Variants in SLC7A11 observed in about 807,000 individuals in gnomAD.
The protein encoded by SLC7A11 is solute carrier family 7 member 11, also known as cystine/glutamate transporter.
Under a neutral mutation model 54.5 loss-of-function variants are expected in SLC7A11, and 35 were observed. The ratio of observed to expected loss-of-function variants is 0.64; its 90% CI spans 0.49 to 0.85. The LOEUF is 0.85. Among genes scored for constraint, SLC7A11 ranks in the 40% least tolerant of loss-of-function variants. The probability of loss-of-function intolerance (pLI) is 0.00; values close to 1 mark genes in which losing one functional copy is unlikely to be tolerated. For missense variants in SLC7A11, 583 were observed against 618.1 expected (o/e 0.94, Z 0.60); for synonymous variants, 230 against 225.2 (o/e 1.02, Z -0.19).
rs187310384 is a variant in SLC7A11 at position 138,166,977 on chromosome 4, C to A, written c.*4979G>T. The A allele has an allele frequency of 1.4e-3, 206 of 151,972 alleles. No individual in the cohort carries two copies. The highest frequency in any genetic ancestry group is 4.9e-3 in the African/African-American group (201 of 41,442). 9.4% of individuals were successfully genotyped at this position (151,972 alleles called of 1,614,324 possible). ...ATGCTTTTGTGAATGTATACCTGATCTAAAATTAGACAAAACATTTATTTT... is the reference window on the plus strand; with the variant it reads ...ATGCTTTTGTGAATGTATACCTGATATAAAATTAGACAAAACATTTATTTT... On this transcript the variant is annotated 3_prime_UTR_variant, in exon 12 of 12. Coordinates refer to ENST00000280612, the MANE Select transcript of SLC7A11 (RefSeq NM_014331.4).
Position 138,169,391 on chromosome 4 carries a change from A to C in SLC7A11, c.*2565T>G, listed in dbSNP as rs1288436830. On this transcript the variant is annotated 3_prime_UTR_variant, in exon 12 of 12. Transcript: ENST00000280612. The stretch of plus-strand genomic sequence containing the variant: ...TAAGCCAAAATACTACTTAATCTCC[A>C]TCACTTTTTTTCTTAATTACTGGCT... 6.6e-6 allele frequency: 1 copy of C among 152,130 alleles called. No individual in the cohort carries two copies. Among genetic ancestry groups the C allele is most frequent in the African/African-American group, 2.4e-5 (1 of 41,444 alleles). The allele number at this position is 152,130 out of a possible 1,614,324, so 9.4% of individuals were successfully genotyped here. A position where few individuals can be genotyped will look rare whatever the true frequency, so the allele number is the denominator to read the frequency against.
Position 138,183,265 on chromosome 4 carries a change from A to G in SLC7A11, c.956T>C (p.Val319Ala). ...GCAGGAGAGGGCAACAAAGATCGGAACTGCTAATGAGAAATTTCCCAGTAG... is the reference window on the plus strand; with the variant it reads ...GCAGGAGAGGGCAACAAAGATCGGAGCTGCTAATGAGAAATTTCCCAGTAG... Reference protein sequence around the residue: ...ERLLGNFSLAVPIFVALSCFG... With the variant: ...ERLLGNFSLAAPIFVALSCFG... The change falls in exon 8 of 12, where the codon GTT becomes GCT. Residue 319 changes from valine to alanine, a missense_variant. Val to Ala is a moderately conservative substitution (Grantham distance 64, BLOSUM62 0). Coordinates refer to ENST00000280612, the MANE Select transcript of SLC7A11 (RefSeq NM_014331.4). 1 of 1,612,136 alleles carries G rather than the reference A, an allele frequency of 6.2e-7. No homozygotes were observed. Among genetic ancestry groups the G allele is most frequent in the East Asian group, 2.2e-5 (1 of 44,646 alleles).
At chr4:138,218,672 T>A (rs1298574051) in intron 5 of SLC7A11, among the ~76,000 whole-genome samples, 1 of 152,206 alleles carries the variant, frequency 6.6e-6, no homozygotes, top group African/African-American at 2.4e-5. Context: ...TTCACTTTTT[T>A]AAATTTTCAG....
At chr4:138,235,065 T>C (rs1738173114) in intron 2 of SLC7A11, among the ~76,000 whole-genome samples, 3 of 152,256 alleles carry the variant, frequency 2.0e-5, no homozygotes, top group South Asian at 4.2e-4. Context: ...GGAAACAAAA[T>C]ATAGACACCT....
chr4:138,186,796 A>G (rs895479958), intron 6 of SLC7A11, among the ~76,000 whole-genome samples: 3 of 152,180 alleles, frequency 2.0e-5, no homozygotes, highest in African/African-American at 7.2e-5. Context: ...CAAAAGGGTA[A>G]GAAGGAGAAC....
Position 138,185,166 on chromosome 4 carries a change from C to A in SLC7A11, c.870G>T (p.Thr290=), listed in dbSNP as rs763436187. ...GCAGCAGCTCCTCAGCATTAATGGT[C>A]GTAAAGTAGGCCACATTTGTCAGCA... The part of the protein sequence containing the change: ...GYVLTNVAYF[T]TINAEELLLS... Residue 290 remains threonine, a synonymous_variant, in exon 7 of 12, where the codon ACG becomes ACT. Transcript: ENST00000280612. The A allele has an allele frequency of 1.2e-6, 2 of 1,612,824 alleles. No individual in the cohort carries two copies. Among genetic ancestry groups the A allele is most frequent in the Admixed American group, 1.7e-5 (1 of 59,938 alleles).
At chr4:138,199,055 ACAGACAAAGCC>A (rs2148426025) in intron 6 of SLC7A11, among the ~76,000 whole-genome samples, 1 of 152,278 alleles carries the variant, frequency 6.6e-6, no homozygotes, top group Admixed American at 6.5e-5. Flanking sequence ...CAGTAATGAT[ACAGACAAAGCC>A]CTGGCCTTGG....
intron 1 of SLC7A11, 102 bp downstream of exon 1, chr4:138,241,691 T>C: frequency 2.2e-6 from 2 of 922,552 alleles, no homozygotes; most frequent in Non-Finnish European, 3.4e-6. Flanking sequence ...TGGTGTGGCC[T>C]TTGCCATCCA....
intron 6 of SLC7A11, among the ~76,000 whole-genome samples, chr4:138,196,364 C>T (rs1737132173): frequency 6.6e-6 from 1 of 152,036 alleles, no homozygotes; most frequent in African/African-American, 2.4e-5. Flanking sequence ...TCTAGAGAAA[C>T]CAGCCAATGA....
intron 6 of SLC7A11, among the ~76,000 whole-genome samples, chr4:138,193,008 T>C (rs1434658994): frequency 1.3e-5 from 2 of 152,072 alleles, no homozygotes; most frequent in Non-Finnish European, 2.9e-5. Context: ...GGGAATGAGG[T>C]TCAAAATTCC....
At chr4:138,225,138 C>CTATATATATATATATATATATATATA (rs36216785) in intron 3 of SLC7A11, among the ~76,000 whole-genome samples, 6 of 118,326 alleles carry the variant, frequency 5.1e-5, no homozygotes, top group Admixed American at 9.1e-5. Context: ...AATAATTTCA[C>CTATATATATATATATATATATATATA]TATATATATA....
chr4:138,221,267 C>T lies in SLC7A11; in HGVS notation c.647-1902G>A, dbSNP rs560910773. On this transcript the variant is annotated intron_variant, in intron 4 of 11. Coordinates refer to ENST00000280612, the MANE Select transcript of SLC7A11 (RefSeq NM_014331.4). ...ATTCAGGAATATTTTGGCTATATAA[C>T]AGAGGTCTCATGAAGATTAAAGGCA... 9.9e-5 allele frequency among the ~76,000 whole-genome samples: 15 copies of T among 152,236 alleles called. No individual in the cohort carries two copies. The South Asian group carries it at 3.1e-3, about 32-fold the overall frequency.
intron 3 of SLC7A11, among the ~76,000 whole-genome samples, chr4:138,227,493 A>G (rs1430078818): frequency 3.9e-5 from 6 of 152,326 alleles, no homozygotes; most frequent in African/African-American, 1.2e-4. Flanking sequence ...GACATTGTAC[A>G]AAGACTTTAC....
At chr4:138,223,134 G>C in intron 4 of SLC7A11, 65 bp downstream of exon 4, 3 of 1,455,380 alleles carry the variant, frequency 2.1e-6, no homozygotes, top group Non-Finnish European at 2.8e-6. Context: ...ACAAGCAAAA[G>C]TTAGTGTTAA....
intron 6 of SLC7A11, among the ~76,000 whole-genome samples, chr4:138,209,759 A>G (rs1578655241): frequency 6.6e-6 from 1 of 152,170 alleles, no homozygotes; most frequent in African/African-American, 2.4e-5. Flanking sequence ...CAAACAAACG[A>G]AAAAATATTT....
intron 6 of SLC7A11, among the ~76,000 whole-genome samples, chr4:138,203,453 A>G (rs1421825745): frequency 3.3e-5 from 5 of 151,976 alleles, no homozygotes. Flanking sequence ...CTTTTTCATT[A>G]AAAAAAGATA....
At chr4:138,188,397 T>C (rs975777929) in intron 6 of SLC7A11, among the ~76,000 whole-genome samples, 1 of 152,088 alleles carries the variant, frequency 6.6e-6, no homozygotes, top group African/African-American at 2.4e-5. Context: ...AGCAAGTTGG[T>C]TGGGGTATGG....
intron 6 of SLC7A11, among the ~76,000 whole-genome samples, chr4:138,211,559 G>C (rs572575352): frequency 1.3e-5 from 2 of 151,686 alleles, no homozygotes; most frequent in African/African-American, 4.8e-5. Flanking sequence ...AAGGAAATCG[G>C]TATACTGAAG....
Position 138,164,629 on chromosome 4 carries a change from TA to T in SLC7A11, c.*7326del, listed in dbSNP as rs1252414970. On this transcript the variant is annotated 3_prime_UTR_variant, in exon 12 of 12. Transcript: ENST00000280612. Reference sequence around the variant, plus strand: ...ATGCAGTTTTGCTCTTTAAGAATTTTATCAATGTAAGACATTGTATTAAATT... The same window carrying T: ...ATGCAGTTTTGCTCTTTAAGAATTTTTCAATGTAAGACATTGTATTAAATT... 4.6e-4 allele frequency: 70 copies of T among 152,314 alleles called. No homozygotes were observed. Among genetic ancestry groups the T allele is most frequent in the African/African-American group, 1.5e-3 (63 of 41,586 alleles). 9.4% of individuals were successfully genotyped at this position (152,314 alleles called of 1,614,324 possible). A position where few individuals can be genotyped will look rare whatever the true frequency, so the allele number is the denominator to read the frequency against.
Sources: allele counts gnomAD v4.1 joint callset (sites outside exome capture counted in the v4.1 genomes callset), GRCh38; gene constraint gnomAD v4.1.1; transcripts MANE v1.5; gene names NCBI Gene and HGNC (gene_info 2026-07-23, HGNC 2026-07-21).